The following RNF123 variants were observed in gnomAD, a reference collection of about 807,000 sequenced individuals.
The protein encoded by RNF123 is E3 ubiquitin-protein ligase RNF123.
RNF123 carries 86 observed loss-of-function variants against 168.5 expected under a neutral mutation model. The ratio of observed to expected loss-of-function variants is 0.51; its 90% CI spans 0.43 to 0.61. The LOEUF is 0.61. Ranked by LOEUF, RNF123 falls within the 20% of genes least tolerant of loss-of-function variation. The pLI is 0.00. For synonymous variants in RNF123, 666 were observed against 689.1 expected, an observed-to-expected ratio of 0.97 and a Z score of 0.52; for missense variants, 1,419 against 1,729.7, an observed-to-expected ratio of 0.82 and a Z score of 3.19.
Position 49,700,415 on chromosome 3 carries a change from C to T in RNF123, c.1111-57C>T, listed in dbSNP as rs544010489. 8.7e-5 allele frequency: 141 copies of T among 1,611,890 alleles called. 1 individual carries two copies. The highest frequency in any genetic ancestry group is 5.8e-4 in the Admixed American group (35 of 59,974). On this transcript the variant is annotated intron_variant, in intron 13 of 38. Coordinates refer to ENST00000327697, the MANE Select transcript of RNF123 (RefSeq NM_022064.5). ...AGTCTTCACTGGGGTCGGGAAGATA[C>T]GGGGAGAATCTTGGAAAAGGCCCCA... is the stretch of plus-strand genomic sequence containing the variant.
At chr3:49,713,378 A>G in intron 27 of RNF123, 135 bp from the exon 28 acceptor site, 1 of 775,978 alleles carries the variant, frequency 1.3e-6, no homozygotes, top group African/African-American at 1.7e-5. Flanking sequence ...CGATGTCCCC[A>G]GATGCCACCC....
At position 49,721,185 on chromosome 3, in the gene RNF123, AG is replaced by A; in HGVS notation, c.3826del (p.Ala1276ProfsTer7). 6.2e-7 allele frequency: 1 copy of A among 1,614,166 alleles called. No homozygotes were observed. Among genetic ancestry groups the A allele is most frequent in the Non-Finnish European group, 8.5e-7 (1 of 1,180,032 alleles). On this transcript the variant is annotated frameshift_variant and splice_region_variant, in exon 39 of 39. Transcript: ENST00000327697. LOFTEE classifies it high-confidence loss of function. ...FQPCGHKSCK[A>X]CINQHLMNNK... ...GTCCTCATCCCCTCCCCTGTTGTAG[AG>A]CCTGTATCAACCAGCACCTGATGAA...
chr3:49,717,636 C>T (rs941035311), intron 35 of RNF123: 1 of 462,110 alleles, frequency 2.2e-6, no homozygotes, highest in African/African-American at 2.0e-5. Context: ...TGTTGAAAGC[C>T]ACAGGGGCCT....
At chr3:49,721,529 AGCCCTG>A (rs1340722910), downstream of RNF123, 14 of 812,354 alleles carry the variant, frequency 1.7e-5, no homozygotes, top group Middle Eastern at 2.2e-4. Context: ...TATTCCATAC[AGCCCTG>A]GCCCTGGCCC....
chr3:49,697,717 C>T (rs2054296303), intron 5 of RNF123, among the ~76,000 whole-genome samples, 168 bp from the exon 6 acceptor site: 1 of 152,222 alleles, frequency 6.6e-6, no homozygotes. Flanking sequence ...GCCCAGGATC[C>T]TTCCTGATAC....
chr3:49,706,965 C>T (rs1022354051), intron 26 of RNF123, 67 bp downstream of exon 26: 7 of 1,360,988 alleles, frequency 5.1e-6, no homozygotes, highest in Non-Finnish European at 7.3e-6. Context: ...CAAGATTGTG[C>T]CAGGGCCCTT....
At chr3:49,696,687 C>T (rs1158564552) in intron 3 of RNF123, among the ~76,000 whole-genome samples, 7 of 148,516 alleles carry the variant, frequency 4.7e-5, no homozygotes, top group South Asian at 4.3e-4. Flanking sequence ...TCTTGTTGCC[C>T]GGGCTGAAGT....
At chr3:49,692,981 G>A (rs915422188) in intron 3 of RNF123, among the ~76,000 whole-genome samples, 6 of 150,662 alleles carry the variant, frequency 4.0e-5, no homozygotes, top group Admixed American at 6.6e-5. Flanking sequence ...CTTCTTTCAG[G>A]TATATACCCA....
intron 35 of RNF123, chr3:49,718,481 T>G: frequency 6.2e-7 from 1 of 1,613,044 alleles, no homozygotes; most frequent in East Asian, 2.2e-5. Flanking sequence ...AGCACCGCGA[T>G]GCTGCCATCG....
intron 35 of RNF123, chr3:49,717,819 C>T (rs756125285): frequency 9.2e-6 from 9 of 982,430 alleles, no homozygotes; most frequent in East Asian, 5.0e-5. Context: ...CATTGTGTTT[C>T]GAGGCCCATA....
chr3:49,714,053 G>A lies in RNF123; in HGVS notation c.2926-37G>A, dbSNP rs761679325. ...GCTGGCTGGAGGGAGAGGGTGCGCT[G>A]TCCCATTGACCTGGGCACTGACCCC... On this transcript the variant is annotated intron_variant, in intron 30 of 38. Transcript: ENST00000327697. 1.9e-6 allele frequency: 3 copies of A among 1,613,310 alleles called. No homozygotes were observed. In the Admixed American group the frequency reaches 5.0e-5, roughly 27 times the overall value.
intron 26 of RNF123, among the ~76,000 whole-genome samples, chr3:49,710,279 GGTTT>G (rs770452350): frequency 1.1e-3 from 164 of 152,070 alleles, no homozygotes; most frequent in Middle Eastern, 3.2e-3. Context: ...TTTGTTTGTT[GGTTT>G]GTTTGTTTTG....
At chr3:49,709,338 T>C (rs886699151) in intron 26 of RNF123, among the ~76,000 whole-genome samples, 2 of 151,290 alleles carry the variant, frequency 1.3e-5, no homozygotes, top group African/African-American at 4.9e-5. Context: ...TCTCACTCTT[T>C]CACCCAGGCC....
chr3:49,694,899 G>A (rs942187469), intron 3 of RNF123, among the ~76,000 whole-genome samples: 10 of 152,154 alleles, frequency 6.6e-5, no homozygotes, highest in Non-Finnish European at 1.5e-4. Context: ...GCAGGTGGTA[G>A]GGCTGTCAGT....
At chr3:49,718,866 T>G (rs1575544667) in intron 35 of RNF123, 2 of 1,613,340 alleles carry the variant, frequency 1.2e-6, no homozygotes, top group Non-Finnish European at 8.5e-7. Flanking sequence ...CCAGCTCAGG[T>G]ACGGAGATGT....
At position 49,705,541 on chromosome 3, in the gene RNF123, C is replaced by T. The variant is rs976240047; in HGVS notation, c.2166C>T (p.Gly722=). 6.3e-7 allele frequency: 1 copy of T among 1,593,532 alleles called. No individual in the cohort carries two copies. Among genetic ancestry groups the T allele is most frequent in the Admixed American group, 1.8e-5 (1 of 56,410 alleles). Residue 722 remains glycine, a synonymous_variant, in exon 24 of 39, where the codon GGC becomes GGT. Transcript: ENST00000327697. ...VEQRTREDIE[G]SHWNEGLLLG... ...CCCTCCCCAACTCCCCAGTTGAAGGCAGCCACTGGAATGAGGGCTTGCTGC... is the reference window on the plus strand; with the variant it reads ...CCCTCCCCAACTCCCCAGTTGAAGGTAGCCACTGGAATGAGGGCTTGCTGC...
At position 49,705,124 on chromosome 3, in the gene RNF123, C is replaced by T. The variant is rs2054489049; in HGVS notation, c.2100C>T (p.Ser700=). 1.2e-6 allele frequency: 2 copies of T among 1,609,834 alleles called. No homozygotes were observed. The highest frequency in any genetic ancestry group is 2.7e-5 in the African/African-American group (2 of 74,880). ...TCATGACCCCACGGCGGCCTCTGAG[C>T]ACCTCGGAGAAAGTGAAGGTCCGCA... ...VSLMTPRRPL[S]TSEKVKVRTL... is the part of the protein sequence containing the mutation. The change falls in exon 23 of 39, where the codon AGC becomes AGT. Residue 700 remains serine (S), a synonymous_variant. Transcript: ENST00000327697.
intron 1 of RNF123, among the ~76,000 whole-genome samples, chr3:49,690,163 A>G (rs2054108610): frequency 6.6e-6 from 1 of 152,146 alleles, no homozygotes; most frequent in African/African-American, 2.4e-5. Context: ...ACTGAACTGC[A>G]GAGTAGGGAG....
In RNF123 at chr3:49,721,281, G is replaced by C; in HGVS notation, c.3921G>C (p.Thr1307=). The change falls in exon 39 of 39, where the codon ACG becomes ACC. Residue 1307 remains threonine, a synonymous_variant. Transcript: ENST00000327697. The stretch of plus-strand genomic sequence containing the variant: ...AGGACTGGGAGAAGGGAGCCAATAC[G>C]AGTACTACCTCCTCAGCTGCCTAGC... ...SVEDWEKGAN[T]STTSSAA is the part of the protein sequence containing the mutation. The C allele has an allele frequency of 6.2e-7, 1 of 1,614,162 alleles. No individual in the cohort carries two copies. Among genetic ancestry groups the C allele is most frequent in the Non-Finnish European group, 8.5e-7 (1 of 1,180,016 alleles).
Sources: allele counts gnomAD v4.1 joint callset (sites outside exome capture counted in the v4.1 genomes callset), GRCh38; gene constraint gnomAD v4.1.1; transcripts MANE v1.5; gene names NCBI Gene and HGNC (gene_info 2026-07-23, HGNC 2026-07-21).